Variants in SDR42E2 observed in about 807,000 individuals in gnomAD.
The protein encoded by SDR42E2 is putative short-chain dehydrogenase/reductase family 42E member 2.
SDR42E2 carries 20 observed loss-of-function variants against 10.5 expected under a neutral mutation model. The ratio of observed to expected loss-of-function variants is 1.90; its 90% CI spans 1.34 to 2.77. SDR42E2 has a LOEUF of 2.77. Ranked by LOEUF, SDR42E2 falls within the 30% of genes most tolerant of loss-of-function variation. The pLI is 0.00. For missense variants in SDR42E2, 162 were observed against 104.2 expected (o/e 1.55, Z -2.42); for synonymous variants, 72 against 39.2 (o/e 1.84, Z -3.12).
At chr16:22,171,137 A>G (rs553800927) in intron 6 of SDR42E2, among the ~76,000 whole-genome samples, 186 bp downstream of exon 6, 1 of 152,202 alleles carries the variant, frequency 6.6e-6, no homozygotes, top group African/African-American at 2.4e-5. Context: ...GGGGCATTGA[A>G]ATCAGACAGG....
intron 8 of SDR42E2, among the ~76,000 whole-genome samples, chr16:22,178,857 A>C (rs2046668217): frequency 6.6e-6 from 1 of 152,160 alleles, no homozygotes; most frequent in Non-Finnish European, 1.5e-5. Flanking sequence ...GGAAGTGAGA[A>C]AGGTCATGAT....
chr16:22,176,702 C>T (rs895263553), intron 7 of SDR42E2, among the ~76,000 whole-genome samples: 5 of 152,158 alleles, frequency 3.3e-5, no homozygotes, highest in East Asian at 3.8e-4. Flanking sequence ...GGATTACAGG[C>T]GTGAGCCACT....
chr16:22,170,815 G>A lies in SDR42E2; in HGVS notation c.395-18G>A. ...TGTGTGTGTGTTTATTTGTTGCTAT[G>A]TGCACCTGCTGCTGCAGTCTGTGTT... is the stretch of plus-strand genomic sequence containing the variant. On this transcript the variant is annotated intron_variant, in intron 5 of 12. Coordinates refer to ENST00000602312, the MANE Select transcript of SDR42E2 (RefSeq NM_001394319.2). 1 of 702,998 alleles carries A rather than the reference G, an allele frequency of 1.4e-6. No individual in the cohort carries two copies. Among genetic ancestry groups the A allele is most frequent in the Non-Finnish European group, 2.6e-6 (1 of 384,988 alleles). The allele number at this position is 702,998 out of a possible 1,614,324, so 43.5% of individuals were successfully genotyped here.
Position 22,170,964 on chromosome 16 carries a change from C to A in SDR42E2, c.513+13C>A. 1.4e-6 allele frequency: 1 copy of A among 702,880 alleles called. No individual in the cohort carries two copies. The highest frequency in any genetic ancestry group is 2.6e-6 in the Non-Finnish European group (1 of 384,956). The allele number at this position is 702,880 out of a possible 1,614,324, so 43.5% of individuals were successfully genotyped here. On this transcript the variant is annotated intron_variant, in intron 6 of 12. Coordinates refer to ENST00000602312, the MANE Select transcript of SDR42E2 (RefSeq NM_001394319.2). ...CCCATTGGACGAGGTACCTGTCTTC[C>A]GGGAGAGGTGGGCAGGACCCGCGGG...
Position 22,176,036 on chromosome 16 carries a change from T to A in SDR42E2, c.590-2094T>A, listed in dbSNP as rs566509350. Among the ~76,000 whole-genome samples, 107 of 152,342 alleles carry A rather than the reference T, an allele frequency of 7.0e-4. 1 individual carries two copies. The highest frequency in any genetic ancestry group is 2.5e-3 in the African/African-American group (102 of 41,584). The stretch of plus-strand genomic sequence containing the variant: ...TTAAATATTTTCTAAAACTCTTTTT[T>A]AAAAATAGTTATAGTGTTCTATAGC... On this transcript the variant is annotated intron_variant, in intron 7 of 12. Coordinates refer to ENST00000602312, the MANE Select transcript of SDR42E2 (RefSeq NM_001394319.2).
At chr16:22,174,231 G>T (rs2142068103) in intron 7 of SDR42E2, among the ~76,000 whole-genome samples, 1 of 152,140 alleles carries the variant, frequency 6.6e-6, no homozygotes, top group South Asian at 2.1e-4. Context: ...TACTCAGGAG[G>T]CTGAGGCAGG....
At chr16:22,171,518 G>A (rs775101909) in intron 6 of SDR42E2, among the ~76,000 whole-genome samples, 2 of 151,640 alleles carry the variant, frequency 1.3e-5, no homozygotes, top group African/African-American at 2.4e-5. Flanking sequence ...GATTACAGGC[G>A]TGTTGTTTGT....
At chr16:22,179,813 C>CA (rs397757924) in intron 8 of SDR42E2, among the ~76,000 whole-genome samples, 47,213 of 94,404 alleles carry the variant, frequency 0.5, 10,161 homozygotes, top group East Asian at 0.87. Flanking sequence ...AACTTCATCT[C>CA]AAAAAAAAAA....
At chr16:22,175,418 C>T (rs2046636200) in intron 7 of SDR42E2, among the ~76,000 whole-genome samples, 1 of 151,856 alleles carries the variant, frequency 6.6e-6, no homozygotes, top group Non-Finnish European at 1.5e-5. Context: ...CTGTGACCCT[C>T]TCTCAAAAAC....
At chr16:22,166,694 A>G (rs755629611) in intron 3 of SDR42E2, among the ~76,000 whole-genome samples, 1 of 152,130 alleles carries the variant, frequency 6.6e-6, no homozygotes, top group Non-Finnish European at 1.5e-5. Context: ...CCTGTCACCT[A>G]CAGAGCGTGA....
At chr16:22,171,395 C>T (rs935948116) in intron 6 of SDR42E2, among the ~76,000 whole-genome samples, 1 of 151,706 alleles carries the variant, frequency 6.6e-6, no homozygotes, top group East Asian at 1.9e-4. Context: ...TGCATGCCAC[C>T]ACAACCAGCC....
At chr16:22,183,919 A>AC (rs1048343704) in intron 10 of SDR42E2, among the ~76,000 whole-genome samples, 2 of 138,900 alleles carry the variant, frequency 1.4e-5, no homozygotes, top group African/African-American at 5.6e-5. Flanking sequence ...ACACATCAAG[A>AC]CCCCTGATTC....
intron 2 of SDR42E2, among the ~76,000 whole-genome samples, chr16:22,165,958 G>A (rs865913031): frequency 3.3e-5 from 5 of 151,896 alleles, no homozygotes; most frequent in African/African-American, 4.8e-5. Context: ...AGCTGGGTCC[G>A]TACCTGGGCC....
intron 7 of SDR42E2, among the ~76,000 whole-genome samples, chr16:22,175,238 C>T (rs6497578): frequency 0.42 from 63,131 of 151,640 alleles, 15,043 homozygotes; most frequent in East Asian, 0.88. Flanking sequence ...GACGGGAGGA[C>T]TGCTTGAGCT....
At chr16:22,169,855 A>AC (rs1256014219) in intron 5 of SDR42E2, among the ~76,000 whole-genome samples, 1 of 150,940 alleles carries the variant, frequency 6.6e-6, no homozygotes, top group Non-Finnish European at 1.5e-5. Context: ...AAATGGTGAA[A>AC]CCCCACCTCT....
At chr16:22,176,334 A>G (rs1333606504) in intron 7 of SDR42E2, among the ~76,000 whole-genome samples, 1 of 152,096 alleles carries the variant, frequency 6.6e-6, no homozygotes, top group Non-Finnish European at 1.5e-5. Context: ...TTGCCCAGGC[A>G]GTAGATGTGA....
intron 5 of SDR42E2, among the ~76,000 whole-genome samples, chr16:22,170,354 CAATA>C (rs534650764): frequency 1.6e-4 from 25 of 151,976 alleles, no homozygotes; most frequent in African/African-American, 3.9e-4. Flanking sequence ...AACTCCGTCT[CAATA>C]AATAAATAAA....
rs1020272417 is a variant in SDR42E2, at chr16:22,169,459, G to A, written c.351G>A (p.Gln117=). The A allele has an allele frequency of 1.4e-6, 1 of 703,620 alleles. No homozygotes were observed. The highest frequency in any genetic ancestry group is 2.6e-6 in the Non-Finnish European group (1 of 385,144). 43.6% of individuals were successfully genotyped at this position (703,620 alleles called of 1,614,324 possible). The change falls in exon 5 of 13, where the codon CAG becomes CAA. Residue 117 remains glutamine, a synonymous_variant. Transcript: ENST00000602312. ...MSGAEKLQKE[Q]IESINVGGTK... ...TTGTCTTTTAGCTGCAGAAAGAGCA[G>A]ATTGAGTCTATAAATGTTGGAGGCA...
chr16:22,166,768 A>T, intron 3 of SDR42E2, 136 bp from the exon 4 acceptor site: 2 of 448,156 alleles, frequency 4.5e-6, no homozygotes, highest in Admixed American at 7.1e-5. Context: ...CTGCCCCACC[A>T]GCCTTTCCTG....
Sources: gnomAD v4.1 joint callset for allele counts (sites outside exome capture counted in the v4.1 genomes callset) on GRCh38, gnomAD v4.1.1 for gene constraint, MANE v1.5 for transcripts, NCBI Gene and HGNC (gene_info 2026-07-23, HGNC 2026-07-21) for gene names.